The following EXOC6B variants were observed in gnomAD, a reference collection of about 807,000 sequenced individuals.
EXOC6B encodes the protein SEC15 homolog B.
EXOC6B carries 54 observed loss-of-function variants against 113.5 expected under a neutral mutation model. The observed-to-expected ratio is 0.48, with a 90% CI of 0.38 to 0.60. EXOC6B has a LOEUF of 0.60. EXOC6B is among the 20% of genes least tolerant of loss of function. EXOC6B has a pLI of 0.00. For missense variants in EXOC6B, 797 were observed against 977.5 expected, an observed-to-expected ratio of 0.82 and a Z score of 2.46; for synonymous variants, 357 against 339.0, an observed-to-expected ratio of 1.05 and a Z score of -0.58.
chr2:72,745,083 C>T (rs979921830), intron 1 of EXOC6B, among the ~76,000 whole-genome samples: 3 of 152,106 alleles, frequency 2.0e-5, no homozygotes, highest in Non-Finnish European at 2.9e-5. Context: ...ATCTACAGTT[C>T]GCCTCCACTT....
intron 1 of EXOC6B, among the ~76,000 whole-genome samples, chr2:72,814,494 A>C (rs1053561141): frequency 1.3e-5 from 2 of 152,242 alleles, no homozygotes; most frequent in Non-Finnish European, 2.9e-5. Flanking sequence ...ACAGAGTCCC[A>C]GTCCATATGT....
intron 20 of EXOC6B, among the ~76,000 whole-genome samples, chr2:72,319,251 G>T (rs181746313): frequency 7.0e-4 from 106 of 151,980 alleles, no homozygotes; most frequent in Non-Finnish European, 1.2e-3. Flanking sequence ...AAAGAAACTT[G>T]CTTAACGGAC....
At chr2:72,544,529 A>G (rs988156676) in intron 8 of EXOC6B, among the ~76,000 whole-genome samples, 4 of 152,066 alleles carry the variant, frequency 2.6e-5, no homozygotes. Flanking sequence ...GTGTATTAGG[A>G]CGTGCTTGCT....
Position 72,492,208 on chromosome 2 carries a change from C to G in EXOC6B, c.1665+110G>C, listed in dbSNP as rs1573245519. On this transcript the variant is annotated intron_variant, in intron 16 of 21. Transcript: ENST00000272427. ...CATTTTGCACTTTCACCATTAGAAG[C>G]CTATCAGGAAGAGCATGTAGAAAGT... 6.0e-6 allele frequency: 3 copies of G among 497,460 alleles called. No individual in the cohort carries two copies. The Admixed American group carries it at 9.7e-5, about 16-fold the overall frequency. The allele number at this position is 497,460 out of a possible 1,614,324, so 30.8% of individuals were successfully genotyped here. A position where few individuals can be genotyped will look rare whatever the true frequency, so the allele number is the denominator to read the frequency against.
chr2:72,192,871 A>T (rs1384233957), intron 20 of EXOC6B, among the ~76,000 whole-genome samples: 1 of 152,180 alleles, frequency 6.6e-6, no homozygotes, highest in Non-Finnish European at 1.5e-5. Flanking sequence ...CTTCATGTTA[A>T]ACAGGATAGA....
chr2:72,196,091 A>C (rs1679150722), intron 20 of EXOC6B, among the ~76,000 whole-genome samples: 1 of 152,206 alleles, frequency 6.6e-6, no homozygotes. Context: ...TCAGCCCTTA[A>C]AATGTCTTTT....
chr2:72,773,463 A>G (rs1033738777), intron 1 of EXOC6B, among the ~76,000 whole-genome samples: 12 of 151,440 alleles, frequency 7.9e-5, no homozygotes, highest in Non-Finnish European at 1.8e-4. Context: ...AAAAAAAAAA[A>G]GGCAACTATG....
At chr2:72,293,433 G>A (rs567463402) in intron 20 of EXOC6B, among the ~76,000 whole-genome samples, 1 of 152,216 alleles carries the variant, frequency 6.6e-6, no homozygotes, top group South Asian at 2.1e-4. Flanking sequence ...TAATATCAGA[G>A]AAAGGGACAA....
chr2:72,436,054 T>C (rs944903656), intron 18 of EXOC6B, among the ~76,000 whole-genome samples: 2 of 152,234 alleles, frequency 1.3e-5, no homozygotes, highest in Non-Finnish European at 2.9e-5. Flanking sequence ...CCTTTCTATA[T>C]TTAGAGCTTC....
At chr2:72,202,248 C>T (rs190361125) in intron 20 of EXOC6B, among the ~76,000 whole-genome samples, 2 of 152,318 alleles carry the variant, frequency 1.3e-5, no homozygotes, top group East Asian at 1.9e-4. Context: ...AGTGAAAGCA[C>T]TTGAAAACTT....
At chr2:72,699,539 T>C (rs1301543827) in intron 6 of EXOC6B, among the ~76,000 whole-genome samples, 6 of 151,756 alleles carry the variant, frequency 4.0e-5, no homozygotes, top group South Asian at 2.1e-4. Context: ...CACAGACTTC[T>C]TCATTAGGGA....
At chr2:72,557,344 G>GTA (rs1703615975) in intron 8 of EXOC6B, among the ~76,000 whole-genome samples, 1 of 126,794 alleles carries the variant, frequency 7.9e-6, no homozygotes, top group African/African-American at 3.0e-5. Context: ...AGTCTAAGAT[G>GTA]TATATGATTT....
intron 6 of EXOC6B, among the ~76,000 whole-genome samples, chr2:72,655,646 C>G (rs1674521729): frequency 6.6e-6 from 1 of 151,842 alleles, no homozygotes; most frequent in Non-Finnish European, 1.5e-5. Flanking sequence ...AAATAAGAAC[C>G]TAAAAATAGA....
chr2:72,698,892 T>A (rs575713363), intron 6 of EXOC6B, among the ~76,000 whole-genome samples: 1 of 152,282 alleles, frequency 6.6e-6, no homozygotes, highest in South Asian at 2.1e-4. Flanking sequence ...TACATACTCT[T>A]CACAAATCAT....
At chr2:72,460,583 T>C (rs1361701318) in intron 18 of EXOC6B, among the ~76,000 whole-genome samples, 1 of 152,088 alleles carries the variant, frequency 6.6e-6, no homozygotes, top group Non-Finnish European at 1.5e-5. Context: ...AAGACATTTA[T>C]GCAGCCAGAA....
intron 1 of EXOC6B, among the ~76,000 whole-genome samples, chr2:72,819,647 T>G (rs1686473442): frequency 6.6e-6 from 1 of 152,060 alleles, no homozygotes; most frequent in African/African-American, 2.4e-5. Context: ...TAGAAATACT[T>G]AAGTCCACAT....
chr2:72,475,008 A>G (rs1698645860), intron 17 of EXOC6B, among the ~76,000 whole-genome samples: 1 of 152,160 alleles, frequency 6.6e-6, no homozygotes, highest in Non-Finnish European at 1.5e-5. Context: ...CGATTCCTTC[A>G]GGTATAAATA....
chr2:72,551,495 A>T (rs1703219897), intron 8 of EXOC6B, among the ~76,000 whole-genome samples: 1 of 115,702 alleles, frequency 8.6e-6, no homozygotes, highest in African/African-American at 3.4e-5. Flanking sequence ...CGCACCTGGC[A>T]AACATAATAA....
chr2:72,707,419 CTT>C (rs1299173430), intron 6 of EXOC6B, among the ~76,000 whole-genome samples: 1 of 143,398 alleles, frequency 7.0e-6, no homozygotes, highest in Non-Finnish European at 1.5e-5. Context: ...TTTTTCTTTT[CTT>C]TTTTTTTTTT....
Sources: gnomAD v4.1 joint callset for allele counts (sites outside exome capture counted in the v4.1 genomes callset) on GRCh38, gnomAD v4.1.1 for gene constraint, MANE v1.5 for transcripts, NCBI Gene and HGNC (gene_info 2026-07-23, HGNC 2026-07-21) for gene names.